CAMTA1: variants seen among roughly 807,000 people sequenced by gnomAD.
CAMTA1 encodes calmodulin-binding transcription activator 1.
Under a neutral mutation model 170.9 loss-of-function variants are expected in CAMTA1, and 27 were observed. The ratio of observed to expected loss-of-function variants is 0.16; its 90% CI spans 0.12 to 0.22. CAMTA1 has a LOEUF of 0.22. CAMTA1 is among the 10% of genes least tolerant of loss of function. The pLI, the probability that CAMTA1 is intolerant of heterozygous loss-of-function variation, is 1.00. For missense variants in CAMTA1, 1,619 were observed against 2,217.2 expected, an observed-to-expected ratio of 0.73 and a Z score of 5.42; for synonymous variants, 833 against 891.5, an observed-to-expected ratio of 0.93 and a Z score of 1.17.
intron 3 of CAMTA1, among the ~76,000 whole-genome samples, chr1:6,914,212 C>G (rs1680308522): frequency 6.7e-6 from 1 of 148,272 alleles, no homozygotes; most frequent in South Asian, 2.1e-4. Context: ...TCAAGTGATT[C>G]TCCTGCCTCA....
intron 5 of CAMTA1, among the ~76,000 whole-genome samples, chr1:7,270,260 CACACACACACACACAT>C (rs1317757404): frequency 3.0e-5 from 3 of 101,414 alleles, no homozygotes; most frequent in African/African-American, 7.5e-5. Flanking sequence ...CACACACACA[CACACACACACACACAT>C]ATATATATAT....
chr1:7,542,879 G>GTGTGTGTGTGTGTGTGTGTGT (rs1459264062), intron 6 of CAMTA1, among the ~76,000 whole-genome samples: 1 of 138,172 alleles, frequency 7.2e-6, no homozygotes, highest in Non-Finnish European at 1.5e-5. Flanking sequence ...GTGTGTGTGT[G>GTGTGTGTGTGTGTGTGTGTGT]TTTGAGCCGG....
intron 5 of CAMTA1, among the ~76,000 whole-genome samples, chr1:7,466,659 C>A (rs2093218164): frequency 6.6e-6 from 1 of 152,176 alleles, no homozygotes; most frequent in Non-Finnish European, 1.5e-5. Context: ...TCCCACCTGG[C>A]AGATGTCCTG....
intron 6 of CAMTA1, among the ~76,000 whole-genome samples, chr1:7,595,415 C>G (rs1188994598): frequency 1.3e-5 from 2 of 152,188 alleles, no homozygotes; most frequent in East Asian, 3.8e-4. Flanking sequence ...TTCAGTTCTC[C>G]CGTCTGTAGC....
At chr1:7,655,323 T>C (rs1175205083) in intron 7 of CAMTA1, among the ~76,000 whole-genome samples, 2 of 130,504 alleles carry the variant, frequency 1.5e-5, no homozygotes, top group East Asian at 2.5e-4. Flanking sequence ...TATACACACC[T>C]ATACACACAA....
At chr1:7,690,530 C>A (rs1422395453) in intron 11 of CAMTA1, among the ~76,000 whole-genome samples, 1 of 152,230 alleles carries the variant, frequency 6.6e-6, no homozygotes, top group Non-Finnish European at 1.5e-5. Context: ...ACTTCAGTGG[C>A]ACCAAGCTGC....
chr1:7,048,176 C>T (rs1413595887), intron 3 of CAMTA1, among the ~76,000 whole-genome samples: 3 of 152,102 alleles, frequency 2.0e-5, no homozygotes, highest in African/African-American at 7.2e-5. Flanking sequence ...TTCTCTTTTG[C>T]TGGCTGGCTG....
intron 4 of CAMTA1, among the ~76,000 whole-genome samples, chr1:7,245,371 C>G (rs17346019): frequency 6.6e-6 from 1 of 151,000 alleles, no homozygotes; most frequent in Admixed American, 6.6e-5. Flanking sequence ...GTGTAATCTA[C>G]GCAGTCTTAC....
intron 5 of CAMTA1, among the ~76,000 whole-genome samples, chr1:7,310,984 G>A (rs1422433020): frequency 6.6e-6 from 1 of 152,074 alleles, no homozygotes; most frequent in African/African-American, 2.4e-5. Flanking sequence ...ACGGGCCTAA[G>A]CCTCCCAAAC....
At chr1:6,785,695 G>T in intron 1 of CAMTA1, 120 bp downstream of exon 1, 1 of 147,126 alleles carries the variant, frequency 6.8e-6, no homozygotes, top group South Asian at 2.0e-4. Context: ...CGGGCGGGCG[G>T]GCGGGCGACC....
At chr1:6,857,455 C>T (rs756125170) in intron 3 of CAMTA1, among the ~76,000 whole-genome samples, 8 of 152,158 alleles carry the variant, frequency 5.3e-5, no homozygotes, top group Non-Finnish European at 1.0e-4. Context: ...GCTTTGGTGA[C>T]CAAACAAACA....
At chr1:6,952,982 C>T (rs944316138) in intron 3 of CAMTA1, among the ~76,000 whole-genome samples, 6 of 151,884 alleles carry the variant, frequency 4.0e-5, no homozygotes, top group Admixed American at 6.6e-5. Flanking sequence ...GTTTCCTTCC[C>T]GCCGCCTTCC....
At chr1:7,563,581 T>C (rs1176183062) in intron 6 of CAMTA1, among the ~76,000 whole-genome samples, 5 of 152,212 alleles carry the variant, frequency 3.3e-5, no homozygotes, top group Non-Finnish European at 7.3e-5. Flanking sequence ...TTAGCAACCC[T>C]TGGCTTGGGG....
intron 3 of CAMTA1, among the ~76,000 whole-genome samples, chr1:6,904,715 C>T (rs1456390651): frequency 3.5e-5 from 5 of 142,584 alleles, no homozygotes; most frequent in Admixed American, 7.1e-5. Context: ...TACAGGCATG[C>T]GCCACCATGC....
chr1:6,829,331 A>C (rs1161036307), intron 3 of CAMTA1, among the ~76,000 whole-genome samples: 5 of 152,244 alleles, frequency 3.3e-5, no homozygotes, highest in Admixed American at 3.3e-4. Context: ...CGTTGGACCT[A>C]CTTAAGCTAC....
intron 6 of CAMTA1, among the ~76,000 whole-genome samples, chr1:7,568,568 C>T (rs985055397): frequency 4.0e-5 from 6 of 150,654 alleles, no homozygotes; most frequent in Admixed American, 2.0e-4. Context: ...CCATCACCAC[C>T]GACAACCATC....
At chr1:7,047,790 G>A (rs1298561317) in intron 3 of CAMTA1, among the ~76,000 whole-genome samples, 1 of 151,198 alleles carries the variant, frequency 6.6e-6, no homozygotes, top group Non-Finnish European at 1.5e-5. Context: ...TCTCCACTTG[G>A]TGGGTGGTGA....
At chr1:6,828,109 C>T (rs948500416) in intron 3 of CAMTA1, among the ~76,000 whole-genome samples, 10 of 152,018 alleles carry the variant, frequency 6.6e-5, no homozygotes, top group Admixed American at 3.3e-4. Flanking sequence ...TCTCCATGTT[C>T]GTGTGTGCTC....
chr1:6,929,651 C>A (rs1400199581), intron 3 of CAMTA1, among the ~76,000 whole-genome samples: 2 of 152,210 alleles, frequency 1.3e-5, no homozygotes, highest in African/African-American at 4.8e-5. Context: ...GCGTGAGCCA[C>A]CGTGCCCGGC....
Sources: allele counts gnomAD v4.1 joint callset (sites outside exome capture counted in the v4.1 genomes callset), GRCh38; gene constraint gnomAD v4.1.1; transcripts MANE v1.5; gene names NCBI Gene and HGNC (gene_info 2026-07-23, HGNC 2026-07-21).